The following MGAT4C variants were observed in gnomAD, a reference collection of about 807,000 sequenced individuals.
The protein encoded by MGAT4C is alpha-1,3-mannosyl-glycoprotein 4-beta-N-acetylglucosaminyltransferase C.
A neutral mutation model predicts 40.1 loss-of-function variants in MGAT4C; 19 were observed. The ratio of observed to expected loss-of-function variants is 0.47; its 90% confidence interval spans 0.33 to 0.70. MGAT4C has a LOEUF of 0.70. Among genes scored for constraint, MGAT4C ranks in the 30% least tolerant of loss-of-function variants. MGAT4C has a pLI of 0.02. For missense variants in MGAT4C, 491 were observed against 563.2 expected (o/e 0.87, Z 1.30); for synonymous variants, 181 against 187.1 (o/e 0.97, Z 0.27).
At chr12:86,819,918 T>C (rs905345683) in intron 1 of MGAT4C, among the ~76,000 whole-genome samples, 3 of 150,716 alleles carry the variant, frequency 2.0e-5, no homozygotes, top group African/African-American at 7.3e-5. Context: ...AAGCTGTCCA[T>C]GAAGAAGAAA....
chr12:86,083,112 A>G (rs1212033394), intron 1 of MGAT4C, among the ~76,000 whole-genome samples: 1 of 152,090 alleles, frequency 6.6e-6, no homozygotes, highest in Non-Finnish European at 1.5e-5. Flanking sequence ...AGCTTCATTT[A>G]GTCATAAGCC....
At chr12:86,594,128 C>T (rs1027783363) in intron 2 of MGAT4C, among the ~76,000 whole-genome samples, 2 of 152,086 alleles carry the variant, frequency 1.3e-5, no homozygotes, top group African/African-American at 2.4e-5. Context: ...AGAAGAACAA[C>T]GGTGCTTCCA....
Position 86,804,445 on chromosome 12 carries a change from TAAAG to T in MGAT4C, c.-262+34217_-262+34220del, listed in dbSNP as rs1198983060. Reference sequence around the variant, plus strand: ...AAAATAAAAAAATAAAATAAATAAATAAAGAAAGAAAGAAGAAAAAAATATATAT... The same window carrying T: ...AAAATAAAAAAATAAAATAAATAAATAAAGAAAGAAGAAAAAAATATATAT... On this transcript the variant is annotated intron_variant, in intron 1 of 7. Coordinates refer to the MGAT4C transcript ENST00000548651. 3.7e-3 allele frequency among the ~76,000 whole-genome samples: 549 copies of T among 147,380 alleles called. 9 individuals carry two copies. Among genetic ancestry groups the T allele is most frequent in the South Asian group, 0.012 (55 of 4,680 alleles).
chr12:86,198,691 C>T (rs1239402818), intron 1 of MGAT4C, among the ~76,000 whole-genome samples: 1 of 152,160 alleles, frequency 6.6e-6, no homozygotes, highest in Non-Finnish European at 1.5e-5. Flanking sequence ...TAGAATGATG[C>T]TTTTCTGACA....
chr12:86,394,543 TTA>T (rs1408241512), intron 3 of MGAT4C, among the ~76,000 whole-genome samples: 3 of 144,874 alleles, frequency 2.1e-5, no homozygotes, highest in African/African-American at 5.0e-5. Context: ...ATACATATAT[TTA>T]TATATATTTA....
intron 1 of MGAT4C, among the ~76,000 whole-genome samples, chr12:86,735,300 T>C (rs1950967841): frequency 6.6e-6 from 1 of 151,866 alleles, no homozygotes; most frequent in Non-Finnish European, 1.5e-5. Context: ...CCCCTCCTTG[T>C]AGAAATCATT....
intron 1 of MGAT4C, among the ~76,000 whole-genome samples, chr12:86,762,628 G>C (rs1268667844): frequency 1.3e-5 from 2 of 152,122 alleles, no homozygotes; most frequent in African/African-American, 4.8e-5. Flanking sequence ...CCCTGGTTAA[G>C]TAAGCAATGA....
intron 2 of MGAT4C, among the ~76,000 whole-genome samples, chr12:86,447,394 T>C (rs1262540418): frequency 1.3e-5 from 2 of 152,098 alleles, no homozygotes; most frequent in Non-Finnish European, 2.9e-5. Flanking sequence ...CAAAGTATCA[T>C]TCTGTTTTTG....
At chr12:86,741,303 A>G (rs1174118595) in intron 1 of MGAT4C, among the ~76,000 whole-genome samples, 1 of 151,300 alleles carries the variant, frequency 6.6e-6, no homozygotes. Flanking sequence ...TTTAGATTAT[A>G]CTTTAAATTA....
At chr12:86,647,102 AGC>A (rs1963562076) in intron 2 of MGAT4C, among the ~76,000 whole-genome samples, 1 of 151,856 alleles carries the variant, frequency 6.6e-6, no homozygotes, top group Non-Finnish European at 1.5e-5. Flanking sequence ...AACTGAGCTA[AGC>A]TTCTCACCTG....
intron 2 of MGAT4C, among the ~76,000 whole-genome samples, chr12:86,567,249 G>A (rs1460101482): frequency 1.3e-5 from 2 of 152,032 alleles, no homozygotes; most frequent in Non-Finnish European, 2.9e-5. Flanking sequence ...CAATTTTTTT[G>A]TTTCCTGTTC....
chr12:86,719,482 AG>A (rs1418030295), intron 2 of MGAT4C, among the ~76,000 whole-genome samples: 16 of 152,202 alleles, frequency 1.1e-4, no homozygotes, highest in Non-Finnish European at 2.4e-4. Context: ...GTAAGATGGG[AG>A]GCAATCAGAG....
At chr12:86,782,801 C>T (rs1456481219) in intron 1 of MGAT4C, among the ~76,000 whole-genome samples, 1 of 151,814 alleles carries the variant, frequency 6.6e-6, no homozygotes, top group East Asian at 1.9e-4. Flanking sequence ...TACGTGAAGA[C>T]ACAGTCAGAA....
chr12:86,570,364 G>A (rs916963117), intron 2 of MGAT4C, among the ~76,000 whole-genome samples: 1 of 151,914 alleles, frequency 6.6e-6, no homozygotes, highest in African/African-American at 2.4e-5. Flanking sequence ...CATTCAGAAA[G>A]GTATGAGAGT....
intron 2 of MGAT4C, among the ~76,000 whole-genome samples, chr12:86,585,255 A>T (rs938575337): frequency 1.3e-5 from 2 of 151,472 alleles, no homozygotes; most frequent in Admixed American, 1.3e-4. Flanking sequence ...ATTCATTATT[A>T]ATAAATTTCC....
At chr12:86,366,736 T>G (rs1955606184) in intron 3 of MGAT4C, among the ~76,000 whole-genome samples, 1 of 152,200 alleles carries the variant, frequency 6.6e-6, no homozygotes, top group African/African-American at 2.4e-5. Flanking sequence ...TTGAAATTTT[T>G]GTTTAAAAAT....
chr12:86,734,292 A>T (rs1366680017), intron 1 of MGAT4C, among the ~76,000 whole-genome samples: 1 of 152,130 alleles, frequency 6.6e-6, no homozygotes, highest in East Asian at 1.9e-4. Flanking sequence ...ATATGAGGTC[A>T]TGTTTGATCA....
chr12:86,086,485 T>G (rs759552044), intron 1 of MGAT4C, among the ~76,000 whole-genome samples: 3 of 152,052 alleles, frequency 2.0e-5, no homozygotes, highest in Non-Finnish European at 4.4e-5. Flanking sequence ...TGTATACCTA[T>G]GTAACAAACC....
intron 2 of MGAT4C, among the ~76,000 whole-genome samples, chr12:86,597,192 T>C (rs919437967): frequency 5.3e-5 from 8 of 152,182 alleles, no homozygotes; most frequent in African/African-American, 1.7e-4. Flanking sequence ...AACTGGTAAA[T>C]ACTTGTAGGT....
Sources: gnomAD v4.1 joint callset for allele counts (sites outside exome capture counted in the v4.1 genomes callset) on GRCh38, gnomAD v4.1.1 for gene constraint, MANE v1.5 for transcripts, NCBI Gene and HGNC (gene_info 2026-07-23, HGNC 2026-07-21) for gene names.